CEP76: variants seen among roughly 807,000 people sequenced by gnomAD.
The protein encoded by CEP76 is centrosomal protein 76, also known as centrosomal protein of 76 kDa.
Under a neutral mutation model 83.3 loss-of-function variants are expected in CEP76, and 55 were observed. That is an observed-to-expected ratio of 0.66 (90% CI 0.53 to 0.83). The LOEUF (loss-of-function observed/expected upper bound fraction) is 0.83, where lower values mean the gene tolerates loss of function less well. CEP76 is among the 40% of genes least tolerant of loss of function. The pLI is 0.00. For missense variants in CEP76, 694 were observed against 799.5 expected (o/e 0.87, Z 1.59); for synonymous variants, 270 against 274.5 (o/e 0.98, Z 0.16).
At chr18:12,690,695 T>C (rs1777746831) in intron 7 of CEP76, among the ~76,000 whole-genome samples, 1 of 152,218 alleles carries the variant, frequency 6.6e-6, no homozygotes, top group Admixed American at 6.5e-5. Context: ...GACCTCTTGA[T>C]CCACCCACCT....
chr18:12,688,262 C>T (rs1568023115), intron 7 of CEP76, among the ~76,000 whole-genome samples: 2 of 150,898 alleles, frequency 1.3e-5, no homozygotes, highest in South Asian at 4.2e-4. Flanking sequence ...ACCTAGTGGC[C>T]TTAAAGTTCA....
intron 12 of CEP76, among the ~76,000 whole-genome samples, chr18:12,664,400 A>G (rs2038761422): frequency 2.0e-5 from 3 of 151,028 alleles, no homozygotes; most frequent in African/African-American, 7.3e-5. Context: ...AAATACAAAA[A>G]TTAGCCGGGC....
Position 12,672,634 on chromosome 18 carries a change from G to T in CEP76, c.*731C>A. 1.0e-6 allele frequency: 1 copy of T among 980,976 alleles called. No individual in the cohort carries two copies. The highest frequency in any genetic ancestry group is 1.2e-6 in the Non-Finnish European group (1 of 825,890). The allele number at this position is 980,976 out of a possible 1,614,324, so 60.8% of individuals were successfully genotyped here. A position where few individuals can be genotyped will look rare whatever the true frequency, so the allele number is the denominator to read the frequency against. On this transcript the variant is annotated 3_prime_UTR_variant, in exon 12 of 12. Transcript: ENST00000262127. ...CTCTGACCACAGAAAATCAGTGATC[G>T]ACTGCAAGATCACAATTTATCAGTA...
At chr18:12,695,475 T>G (rs1452760818) in intron 5 of CEP76, 124 bp from the exon 6 acceptor site, 5 of 475,988 alleles carry the variant, frequency 1.1e-5, no homozygotes, top group Non-Finnish European at 1.9e-5. Context: ...AAAGATAACA[T>G]TCAACATTAC....
chr18:12,702,306 C>G, intron 1 of CEP76, 180 bp downstream of exon 1: 1 of 554,504 alleles, frequency 1.8e-6, no homozygotes, highest in Non-Finnish European at 3.1e-6. Context: ...CGTTTTCTTT[C>G]TCGGAGACGA....
At chr18:12,671,753 G>A (rs115979442), downstream of CEP76, among the ~76,000 whole-genome samples, 1,361 of 146,642 alleles carry the variant, frequency 9.3e-3, 27 homozygotes, top group African/African-American at 0.031. Context: ...CGATCCTTCC[G>A]CCTCAGACTC....
rs776243918 is a variant in CEP76, at chr18:12,697,267, G to A, written c.662C>T (p.Ser221Leu). Reference sequence around the variant, plus strand: ...AGTCAGACTGGTCACTCCATTTTCTGAGCCCAAAACCGATCGCCATTCCAG... The same window carrying A: ...AGTCAGACTGGTCACTCCATTTTCTAAGCCCAAAACCGATCGCCATTCCAG... The part of the protein sequence containing the change: ...YFLEWRSVLG[S>L]ENGVTSLTVE... The change falls in exon 5 of 12, where the codon TCA becomes TTA. Residue 221 changes from serine (S) to leucine (L), a missense_variant. By Grantham distance (145) the Ser-to-Leu change is moderately radical. Transcript: ENST00000262127. 52 of 1,613,306 alleles carry A rather than the reference G, an allele frequency of 3.2e-5. No individual in the cohort carries two copies. The highest frequency in any genetic ancestry group is 4.1e-5 in the Non-Finnish European group (48 of 1,179,720).
intron 5 of CEP76, 45 bp from the exon 6 acceptor site, chr18:12,695,396 T>C (rs1240666195): frequency 3.2e-6 from 3 of 937,328 alleles, no homozygotes; most frequent in Non-Finnish European, 4.8e-6. Flanking sequence ...CAATACTATA[T>C]ATATTTAGTC....
chr18:12,673,916 G>A (rs2039024523), intron 11 of CEP76, among the ~76,000 whole-genome samples: 1 of 152,058 alleles, frequency 6.6e-6, no homozygotes, highest in Admixed American at 6.6e-5. Context: ...TTCAAATTCT[G>A]TCTCTGCTAT....
chr18:12,688,031 CAGG>C (rs1990554910), intron 7 of CEP76, among the ~76,000 whole-genome samples: 1 of 151,828 alleles, frequency 6.6e-6, no homozygotes, highest in African/African-American at 2.4e-5. Flanking sequence ...ATCACGAGGT[CAGG>C]AGATCAATTC....
chr18:12,673,866 C>CT (rs2039022006), intron 11 of CEP76, among the ~76,000 whole-genome samples: 1 of 152,030 alleles, frequency 6.6e-6, no homozygotes, highest in African/African-American at 2.4e-5. Flanking sequence ...GGGCGACAGA[C>CT]TGAGACTCCA....
At chr18:12,691,902 G>A (rs916759317) in intron 6 of CEP76, among the ~76,000 whole-genome samples, 1 of 151,786 alleles carries the variant, frequency 6.6e-6, no homozygotes, top group Non-Finnish European at 1.5e-5. Flanking sequence ...TGTATTTTTA[G>A]TAGAGACAGG....
At chr18:12,665,838 C>T (rs1025002564) in intron 12 of CEP76, among the ~76,000 whole-genome samples, 3 of 152,144 alleles carry the variant, frequency 2.0e-5, no homozygotes, top group Non-Finnish European at 2.9e-5. Flanking sequence ...GCTGCGATTA[C>T]AGATCACGCC....
rs369287281 is a variant in CEP76, at chr18:12,674,558, G to A, written c.1819C>T (p.Arg607Cys). 16 of 1,613,366 alleles carry A rather than the reference G, an allele frequency of 9.9e-6. No homozygotes were observed. Among genetic ancestry groups the A allele is most frequent in the Non-Finnish European group, 1.3e-5 (15 of 1,179,662 alleles). ...PIHFVYRNAR[R>C]AFATCLRSPF... ...TACCGAAGACATGTGGCAAATGCAC[G>A]TCTTGCATTTCTATACACAAAATGT... Residue 607 changes from arginine (R) to cysteine (C), a missense_variant, in exon 11 of 12, where the codon CGT becomes TGT. Arg to Cys is a radical substitution (Grantham distance 180). Coordinates refer to ENST00000262127, the MANE Select transcript of CEP76 (RefSeq NM_024899.4).
intron 6 of CEP76, 28 bp from the exon 7 acceptor site, chr18:12,691,515 T>C: frequency 6.6e-7 from 1 of 1,526,168 alleles, no homozygotes; most frequent in Non-Finnish European, 8.9e-7. Context: ...TATTTTTCAA[T>C]TTCTATTCAT....
chr18:12,683,591 A>C (rs572569209), intron 8 of CEP76, among the ~76,000 whole-genome samples: 1 of 151,860 alleles, frequency 6.6e-6, no homozygotes, highest in East Asian at 1.9e-4. Context: ...TCTCTACTAA[A>C]AATACAAAAA....
chr18:12,680,936 C>T (rs1261743320), intron 8 of CEP76, 108 bp from the exon 9 acceptor site: 26 of 1,022,166 alleles, frequency 2.5e-5, no homozygotes, highest in Non-Finnish European at 3.6e-5. Flanking sequence ...CAGTGGCTCA[C>T]GCCTGTAATC....
chr18:12,671,888 T>TTGGCTCATCACAAC (rs1194457789), downstream of CEP76, among the ~76,000 whole-genome samples: 10 of 152,276 alleles, frequency 6.6e-5, no homozygotes, highest in East Asian at 1.9e-3. Flanking sequence ...TGGCATGATC[T>TTGGCTCATCACAAC]TGGCTCATCA....
chr18:12,682,669 C>T (rs1288023124), intron 8 of CEP76, among the ~76,000 whole-genome samples: 2 of 152,076 alleles, frequency 1.3e-5, no homozygotes, highest in Non-Finnish European at 2.9e-5. Flanking sequence ...CGCTCTGTCA[C>T]CCAGGCTGGA....
Sources: allele counts gnomAD v4.1 joint callset (sites outside exome capture counted in the v4.1 genomes callset), GRCh38; gene constraint gnomAD v4.1.1; transcripts MANE v1.5; gene names NCBI Gene and HGNC (gene_info 2026-07-23, HGNC 2026-07-21).